PPP1R14C: variants seen among roughly 807,000 people sequenced by gnomAD.
PPP1R14C encodes protein phosphatase 1 regulatory subunit 14C.
A neutral mutation model predicts 20.4 loss-of-function variants in PPP1R14C; 16 were observed. The observed-to-expected ratio is 0.78, with a 90% CI of 0.53 to 1.19. The LOEUF (loss-of-function observed/expected upper bound fraction) is 1.19, where lower values mean the gene tolerates loss of function less well. Ranked by LOEUF, PPP1R14C falls within the 50% of genes most tolerant of loss-of-function variation. The probability of loss-of-function intolerance (pLI) is 0.00; values close to 1 mark genes in which losing one functional copy is unlikely to be tolerated. For synonymous variants in PPP1R14C, 91 were observed against 91.0 expected (o/e 1.00, Z 0.00); for missense variants, 211 against 220.1 (o/e 0.96, Z 0.26).
At chr6:150,190,376 A>G (rs1443334313) in intron 1 of PPP1R14C, among the ~76,000 whole-genome samples, 1 of 150,496 alleles carries the variant, frequency 6.6e-6, no homozygotes, top group African/African-American at 2.4e-5. Flanking sequence ...TGGCAACTTT[A>G]TCCTAACAGT....
chr6:150,197,189 G>A (rs527816890), intron 1 of PPP1R14C, among the ~76,000 whole-genome samples: 1 of 152,210 alleles, frequency 6.6e-6, no homozygotes, highest in Admixed American at 6.5e-5. Flanking sequence ...CCTCCCAGAG[G>A]TGGGGGATGA....
chr6:150,164,943 A>C lies in PPP1R14C; in HGVS notation c.306+21445A>C, dbSNP rs1777408406. ...ACACAAGAGAGCTCTCTTTCTCTGC[A>C]CTCCATCATGGGAGGACACATTGAG... On this transcript the variant is annotated intron_variant, in intron 1 of 3. Coordinates refer to ENST00000361131, the MANE Select transcript of PPP1R14C (RefSeq NM_030949.3). Among the ~76,000 whole-genome samples, 4 of 152,130 alleles carry C rather than the reference A, an allele frequency of 2.6e-5. No individual in the cohort carries two copies. The South Asian group carries it at 8.3e-4, about 32-fold the overall frequency.
chr6:150,195,738 A>T, intron 1 of PPP1R14C: 1 of 534,664 alleles, frequency 1.9e-6, no homozygotes, highest in Non-Finnish European at 2.4e-6. Flanking sequence ...AAGTACATTT[A>T]CTATTTTTTT....
chr6:150,195,055 C>T, intron 1 of PPP1R14C: 1 of 984,936 alleles, frequency 1.0e-6, no homozygotes. Context: ...TTGAATATAA[C>T]CTGTATGACC....
chr6:150,245,232 T>C (rs969651233), intron 3 of PPP1R14C, among the ~76,000 whole-genome samples: 2 of 152,192 alleles, frequency 1.3e-5, no homozygotes, highest in African/African-American at 4.8e-5. Context: ...TCTATCAACA[T>C]ACTCTAAGCC....
chr6:150,174,527 T>C (rs1777539477), intron 1 of PPP1R14C, among the ~76,000 whole-genome samples: 1 of 151,812 alleles, frequency 6.6e-6, no homozygotes, highest in South Asian at 2.1e-4. Context: ...TGTGTGCATT[T>C]TTATCTTCTC....
intron 1 of PPP1R14C, among the ~76,000 whole-genome samples, chr6:150,190,472 G>T (rs148352738): frequency 0.011 from 1,716 of 150,060 alleles, 20 homozygotes; most frequent in South Asian, 0.015. Flanking sequence ...CTGTCACCAG[G>T]CTGAAGTGCA....
intron 3 of PPP1R14C, among the ~76,000 whole-genome samples, chr6:150,245,542 C>A (rs1477560918): frequency 5.9e-5 from 9 of 152,220 alleles, no homozygotes; most frequent in Non-Finnish European, 1.3e-4. Context: ...TGTGCTGTGA[C>A]CTAGGCCCGC....
At chr6:150,218,132 G>T (rs977663878) in intron 3 of PPP1R14C, among the ~76,000 whole-genome samples, 13 of 152,084 alleles carry the variant, frequency 8.5e-5, no homozygotes, top group South Asian at 4.2e-4. Context: ...GGCCTGTCGC[G>T]GTGGCTCATG....
intron 1 of PPP1R14C, among the ~76,000 whole-genome samples, chr6:150,199,869 T>TAA (rs11465144): frequency 0.068 from 9,869 of 145,872 alleles, 746 homozygotes; most frequent in African/African-American, 0.18. Flanking sequence ...AGCCTGTCTC[T>TAA]AAAAAAAAAA....
At chr6:150,228,667 A>G (rs1279216563) in intron 3 of PPP1R14C, among the ~76,000 whole-genome samples, 1 of 152,104 alleles carries the variant, frequency 6.6e-6, no homozygotes, top group African/African-American at 2.4e-5. Flanking sequence ...TCGTTAGACT[A>G]TCTATCTTGG....
intron 3 of PPP1R14C, among the ~76,000 whole-genome samples, chr6:150,217,080 C>T (rs140520155): frequency 1.3e-3 from 198 of 152,002 alleles, no homozygotes; most frequent in African/African-American, 4.5e-3. Flanking sequence ...GAGTGTGTTG[C>T]TTGTGTTAGA....
chr6:150,212,582 A>C (rs565666228), intron 1 of PPP1R14C, among the ~76,000 whole-genome samples: 1 of 152,194 alleles, frequency 6.6e-6, no homozygotes, highest in Non-Finnish European at 1.5e-5. Flanking sequence ...TTGTTCTCTC[A>C]TTTCCTTTAA....
chr6:150,227,216 G>A (rs1187767051), intron 3 of PPP1R14C, among the ~76,000 whole-genome samples: 1 of 152,218 alleles, frequency 6.6e-6, no homozygotes, highest in Non-Finnish European at 1.5e-5. Flanking sequence ...ATGACTGAAA[G>A]AGACACAGCT....
chr6:150,174,188 T>G (rs1287258995), intron 1 of PPP1R14C, among the ~76,000 whole-genome samples: 1 of 152,156 alleles, frequency 6.6e-6, no homozygotes, highest in African/African-American at 2.4e-5. Flanking sequence ...GTGAGAACAC[T>G]TACTAACTTA....
intron 1 of PPP1R14C, among the ~76,000 whole-genome samples, chr6:150,199,908 C>G (rs1206201854): frequency 6.6e-6 from 1 of 151,888 alleles, no homozygotes; most frequent in East Asian, 1.9e-4. Flanking sequence ...ATTACCCAGC[C>G]TTTTGTATTT....
At chr6:150,219,951 G>T (rs1778146845) in intron 3 of PPP1R14C, among the ~76,000 whole-genome samples, 1 of 152,126 alleles carries the variant, frequency 6.6e-6, no homozygotes, top group Non-Finnish European at 1.5e-5. Context: ...TGCCTTCCGG[G>T]TTCAAGCGAT....
chr6:150,206,628 G>A (rs150136969), intron 1 of PPP1R14C, among the ~76,000 whole-genome samples: 2 of 152,294 alleles, frequency 1.3e-5, no homozygotes, highest in East Asian at 1.9e-4. Flanking sequence ...CGTTCTACAC[G>A]GGGCATGAGG....
chr6:150,237,729 A>G (rs781053940), intron 3 of PPP1R14C, among the ~76,000 whole-genome samples: 80 of 152,250 alleles, frequency 5.3e-4, no homozygotes, highest in Admixed American at 1.6e-3. Flanking sequence ...GGTGAGGAAA[A>G]CTGAGGCATG....
Sources: allele counts gnomAD v4.1 joint callset (sites outside exome capture counted in the v4.1 genomes callset), GRCh38; gene constraint gnomAD v4.1.1; transcripts MANE v1.5; gene names NCBI Gene and HGNC (gene_info 2026-07-23, HGNC 2026-07-21).